The following DPP10 variants were observed in gnomAD, a reference collection of about 807,000 sequenced individuals.
DPP10 encodes dipeptidyl peptidase like 10, also known as inactive dipeptidyl peptidase 10.
DPP10 carries 33 observed loss-of-function variants against 120.9 expected under a neutral mutation model. The observed-to-expected ratio is 0.27, with a 90% CI of 0.21 to 0.37. The LOEUF (loss-of-function observed/expected upper bound fraction) is 0.37, where lower values mean the gene tolerates loss of function less well. DPP10 is among the 10% of genes least tolerant of loss of function. The probability of loss-of-function intolerance (pLI) is 1.00; values close to 1 mark genes in which losing one functional copy is unlikely to be tolerated. For missense variants in DPP10, 816 were observed against 942.8 expected (o/e 0.87, Z 1.76); for synonymous variants, 337 against 326.1 (o/e 1.03, Z -0.36).
intron 1 of DPP10, among the ~76,000 whole-genome samples, chr2:115,193,268 A>C (rs1187137198): frequency 1.3e-5 from 2 of 152,218 alleles, no homozygotes. Flanking sequence ...ACTTTCGGAC[A>C]AGAATTTACC....
At chr2:115,605,523 T>C (rs1465826368) in intron 5 of DPP10, among the ~76,000 whole-genome samples, 1 of 152,062 alleles carries the variant, frequency 6.6e-6, no homozygotes, top group Non-Finnish European at 1.5e-5. Context: ...GTAAGGGAAG[T>C]ACTCGGCATT....
chr2:114,791,551 C>T (rs200212707), intron 1 of DPP10, among the ~76,000 whole-genome samples: 36 of 151,994 alleles, frequency 2.4e-4, no homozygotes, highest in African/African-American at 7.0e-4. Context: ...TGGGCTTTCA[C>T]GTAAAAGTTG....
At chr2:115,348,135 C>T (rs2063800379) in intron 3 of DPP10, among the ~76,000 whole-genome samples, 1 of 152,094 alleles carries the variant, frequency 6.6e-6, no homozygotes, top group African/African-American at 2.4e-5. Flanking sequence ...CTTCCAATAT[C>T]TTAGTCAGTT....
At chr2:115,222,361 C>T (rs562943720) in intron 1 of DPP10, among the ~76,000 whole-genome samples, 47 of 152,218 alleles carry the variant, frequency 3.1e-4, no homozygotes, top group African/African-American at 1.1e-3. Context: ...TGTCCCCACC[C>T]ACATTTCATC....
intron 7 of DPP10, among the ~76,000 whole-genome samples, chr2:115,703,444 A>G (rs1307658446): frequency 6.6e-6 from 1 of 151,976 alleles, no homozygotes; most frequent in Non-Finnish European, 1.5e-5. Context: ...AACTCATGCA[A>G]CTGTGAGGGC....
intron 1 of DPP10, among the ~76,000 whole-genome samples, chr2:115,097,133 G>C (rs912675964): frequency 6.6e-6 from 1 of 151,974 alleles, no homozygotes; most frequent in African/African-American, 2.4e-5. Flanking sequence ...CAGACATTCA[G>C]TTGGCCATGT....
In DPP10 at chr2:114,580,138, C is replaced by T. The variant is rs574804678; in HGVS notation, c.60+137300C>T. ...TCTGTGATGACATAAAGCAGTGCTA[C>T]GGGTAAGGCCTCAGTCTCCTGCCAG... On this transcript the variant is annotated intron_variant, in intron 1 of 25. Coordinates refer to ENST00000410059, the MANE Select transcript of DPP10 (RefSeq NM_020868.6). Among the ~76,000 whole-genome samples, 48 of 152,254 alleles carry T rather than the reference C, an allele frequency of 3.2e-4. 1 individual carries two copies. The highest frequency in any genetic ancestry group is 8.9e-4 in the African/African-American group (37 of 41,558).
At chr2:114,530,823 C>A (rs1685911188) in intron 1 of DPP10, among the ~76,000 whole-genome samples, 2 of 152,070 alleles carry the variant, frequency 1.3e-5, no homozygotes, top group East Asian at 3.9e-4. Flanking sequence ...TATTTTGGAA[C>A]ATCAAGTTTG....
intron 1 of DPP10, among the ~76,000 whole-genome samples, chr2:115,094,927 A>G (rs1441580896): frequency 1.3e-5 from 2 of 152,170 alleles, no homozygotes. Context: ...ACTATTTGTA[A>G]CTCACAAGCC....
At position 115,496,927 on chromosome 2, in the gene DPP10, G is replaced by C. The variant is rs1048382631; in HGVS notation, c.272-2583G>C. Among the ~76,000 whole-genome samples the C allele has an allele frequency of 4.6e-5, 7 of 151,940 alleles. No individual in the cohort carries two copies. The East Asian group carries it at 5.8e-4, about 13-fold the overall frequency. The stretch of plus-strand genomic sequence containing the variant: ...GGGAATGGATGCTGCTGATTGGTTG[G>C]GGGGGATGCAATTATAAAAGTGTGG... On this transcript the variant is annotated intron_variant, in intron 3 of 25. Coordinates refer to ENST00000410059, the MANE Select transcript of DPP10 (RefSeq NM_020868.6).
chr2:115,022,997 A>C (rs1437353391), intron 1 of DPP10, among the ~76,000 whole-genome samples: 2 of 152,112 alleles, frequency 1.3e-5, no homozygotes, highest in Admixed American at 6.6e-5. Flanking sequence ...ACAAAAATCA[A>C]CTCAAGATAG....
chr2:115,202,194 G>C (rs2055783603), intron 1 of DPP10, among the ~76,000 whole-genome samples: 1 of 152,030 alleles, frequency 6.6e-6, no homozygotes, highest in Non-Finnish European at 1.5e-5. Flanking sequence ...CTCCTAAAGT[G>C]CTAGAATTAC....
intron 1 of DPP10, among the ~76,000 whole-genome samples, chr2:114,463,973 T>C (rs1679142911): frequency 6.6e-6 from 1 of 152,234 alleles, no homozygotes; most frequent in South Asian, 2.1e-4. Flanking sequence ...CATGGATTAA[T>C]AGCTCATTCT....
At chr2:115,104,164 A>G (rs539198290) in intron 1 of DPP10, among the ~76,000 whole-genome samples, 26 of 142,206 alleles carry the variant, frequency 1.8e-4, no homozygotes, top group Non-Finnish European at 4.5e-5. Flanking sequence ...TGTCAAATAC[A>G]TATGTCTTTT....
At chr2:115,650,193 T>C (rs1056571514) in intron 5 of DPP10, among the ~76,000 whole-genome samples, 4 of 152,058 alleles carry the variant, frequency 2.6e-5, no homozygotes, top group African/African-American at 9.7e-5. Flanking sequence ...ATTTCAATCG[T>C]CGAGGTGTAT....
chr2:114,770,532 C>T (rs1428930613), intron 1 of DPP10, among the ~76,000 whole-genome samples: 3 of 151,950 alleles, frequency 2.0e-5, no homozygotes, highest in South Asian at 2.1e-4. Flanking sequence ...AGCACCGTGC[C>T]GTAAAACCAA....
chr2:114,948,551 A>T (rs1365379234), intron 1 of DPP10, among the ~76,000 whole-genome samples: 1 of 152,158 alleles, frequency 6.6e-6, no homozygotes, highest in Non-Finnish European at 1.5e-5. Context: ...CCTTTTTATA[A>T]TTTTAAATAA....
chr2:115,802,746 T>A (rs983916047), intron 19 of DPP10, among the ~76,000 whole-genome samples: 1 of 152,080 alleles, frequency 6.6e-6, no homozygotes, highest in Non-Finnish European at 1.5e-5. Context: ...CGGTTTTGAG[T>A]GAGTTTCTTA....
At chr2:114,888,306 G>T (rs1692249471) in intron 1 of DPP10, among the ~76,000 whole-genome samples, 1 of 152,076 alleles carries the variant, frequency 6.6e-6, no homozygotes, top group East Asian at 1.9e-4. Flanking sequence ...TTGATTAACT[G>T]ATTCCTATAA....
Sources: gnomAD v4.1 joint callset for allele counts (sites outside exome capture counted in the v4.1 genomes callset) on GRCh38, gnomAD v4.1.1 for gene constraint, MANE v1.5 for transcripts, NCBI Gene and HGNC (gene_info 2026-07-23, HGNC 2026-07-21) for gene names.